SMYD3: variants seen among roughly 807,000 people sequenced by gnomAD.
SMYD3 encodes histone-lysine N-methyltransferase SMYD3.
Under a neutral mutation model 57.7 loss-of-function variants are expected in SMYD3, and 36 were observed. That is an observed-to-expected ratio of 0.62 (90% confidence interval 0.48 to 0.82). SMYD3 has a LOEUF of 0.82. Ranked by LOEUF, SMYD3 falls within the 40% of genes least tolerant of loss-of-function variation. The pLI is 0.00. For synonymous variants in SMYD3, 211 were observed against 195.0 expected (o/e 1.08, Z -0.68); for missense variants, 515 against 538.8 (o/e 0.96, Z 0.44).
intron 8 of SMYD3, among the ~76,000 whole-genome samples, chr1:245,896,400 A>AAAAC (rs1176760587): frequency 2.0e-5 from 3 of 150,258 alleles, no homozygotes; most frequent in Admixed American, 6.6e-5. Context: ...AAAAAAAAAA[A>AAAAC]AAAAAACAGG....
At chr1:246,293,912 A>G (rs7516664) in intron 5 of SMYD3, among the ~76,000 whole-genome samples, 29,438 of 152,146 alleles carry the variant, frequency 0.19, 3,450 homozygotes, top group Non-Finnish European at 0.26. Context: ...ATTGAACTCA[A>G]TGAACCTTTT....
intron 1 of SMYD3, among the ~76,000 whole-genome samples, chr1:246,474,678 A>T (rs1265567512): frequency 5.3e-5 from 8 of 152,126 alleles, no homozygotes; most frequent in Non-Finnish European, 7.4e-5. Context: ...ATAAAATAGG[A>T]CTCTAACAAT....
chr1:246,069,337 A>T (rs557934351), intron 5 of SMYD3, among the ~76,000 whole-genome samples: 1 of 152,366 alleles, frequency 6.6e-6, no homozygotes, highest in East Asian at 1.9e-4. Flanking sequence ...TTCGTGCCAG[A>T]TATCTTAAAC....
At chr1:246,334,122 G>A (rs147571882) in intron 3 of SMYD3, among the ~76,000 whole-genome samples, 1 of 152,224 alleles carries the variant, frequency 6.6e-6, no homozygotes, top group East Asian at 1.9e-4. Context: ...TACTGTTAGT[G>A]GGAATGTAAT....
At chr1:246,003,617 A>G (rs1345761822) in intron 5 of SMYD3, among the ~76,000 whole-genome samples, 3 of 152,170 alleles carry the variant, frequency 2.0e-5, no homozygotes, top group Non-Finnish European at 4.4e-5. Context: ...TAAGAAATAC[A>G]TTGCCTTTAG....
chr1:246,372,138 G>A (rs1311151050), intron 1 of SMYD3, among the ~76,000 whole-genome samples: 1 of 152,210 alleles, frequency 6.6e-6, no homozygotes, highest in Non-Finnish European at 1.5e-5. Flanking sequence ...ACAGCTGCAA[G>A]TGCACTATAA....
At chr1:246,444,291 A>C (rs1217616352) in intron 1 of SMYD3, among the ~76,000 whole-genome samples, 1 of 151,972 alleles carries the variant, frequency 6.6e-6, no homozygotes, top group Non-Finnish European at 1.5e-5. Context: ...ACGCCTGGCT[A>C]ATTTTTGTAT....
intron 1 of SMYD3, among the ~76,000 whole-genome samples, chr1:246,490,926 G>C (rs1558488943): frequency 1.3e-5 from 2 of 152,084 alleles, no homozygotes; most frequent in South Asian, 2.1e-4. Flanking sequence ...AGTAGAGCAA[G>C]GAAAGAACAC....
intron 8 of SMYD3, among the ~76,000 whole-genome samples, chr1:245,901,385 A>G (rs949487868): frequency 6.6e-6 from 1 of 152,182 alleles, no homozygotes; most frequent in Admixed American, 6.5e-5. Flanking sequence ...TCTTTAGACA[A>G]TCTGATTATG....
chr1:245,899,106 A>G lies in SMYD3; in HGVS notation c.813+16424T>C, dbSNP rs1220434347. 4.6e-5 allele frequency among the ~76,000 whole-genome samples: 7 copies of G among 152,244 alleles called. No individual in the cohort carries two copies. In the South Asian group the frequency reaches 8.3e-4, roughly 18 times the overall value. ...ATAATAAATATTGCTTGATGCAGAA[A>G]ACTGGTGAGATGAATTTTCTAGGTT... On this transcript the variant is annotated intron_variant, in intron 8 of 11. Transcript: ENST00000490107.
intron 10 of SMYD3, among the ~76,000 whole-genome samples, chr1:245,849,020 C>G (rs1248539820): frequency 1.3e-5 from 2 of 152,128 alleles, no homozygotes; most frequent in African/African-American, 2.4e-5. Flanking sequence ...CTTTTAGGAC[C>G]ACGAGCATCT....
intron 5 of SMYD3, among the ~76,000 whole-genome samples, chr1:246,218,501 G>A (rs1300291920): frequency 6.6e-6 from 1 of 152,032 alleles, no homozygotes. Flanking sequence ...GGCGGCTGTA[G>A]TCCCAGCTAC....
chr1:245,761,538 C>T (rs1238895973), intron 11 of SMYD3, among the ~76,000 whole-genome samples: 1 of 152,158 alleles, frequency 6.6e-6, no homozygotes, highest in East Asian at 1.9e-4. Flanking sequence ...TATGCAATAG[C>T]AATGACTAAA....
At chr1:246,010,150 A>C (rs915563075) in intron 5 of SMYD3, among the ~76,000 whole-genome samples, 4 of 151,252 alleles carry the variant, frequency 2.6e-5, no homozygotes, top group African/African-American at 9.7e-5. Flanking sequence ...ATTTTAAAAC[A>C]TAACAGTAGA....
intron 1 of SMYD3, among the ~76,000 whole-genome samples, chr1:246,467,394 A>G (rs1039494602): frequency 1.3e-5 from 2 of 152,136 alleles, no homozygotes; most frequent in Non-Finnish European, 2.9e-5. Context: ...GGCTAGAAAA[A>G]CAATACAAAA....
chr1:246,438,348 T>C (rs1461885984), intron 1 of SMYD3, among the ~76,000 whole-genome samples: 1 of 152,170 alleles, frequency 6.6e-6, no homozygotes, highest in Non-Finnish European at 1.5e-5. Context: ...AGATTTCTAA[T>C]ATAAAACACA....
intron 1 of SMYD3, among the ~76,000 whole-genome samples, chr1:246,360,421 C>T (rs2065970051): frequency 6.6e-6 from 1 of 151,954 alleles, no homozygotes; most frequent in East Asian, 1.9e-4. Context: ...ATCTAAACAC[C>T]ACTATCATTC....
intron 8 of SMYD3, among the ~76,000 whole-genome samples, chr1:245,875,057 C>T (rs929822207): frequency 9.8e-5 from 15 of 152,368 alleles, no homozygotes; most frequent in South Asian, 2.1e-4. Flanking sequence ...TGCTGGCTGA[C>T]GGCACGGCGA....
intron 11 of SMYD3, among the ~76,000 whole-genome samples, chr1:245,757,369 A>G (rs922229320): frequency 6.6e-6 from 1 of 151,908 alleles, no homozygotes; most frequent in African/African-American, 2.4e-5. Context: ...ATCCCATTCT[A>G]TGGGTTGCTT....
Sources: gnomAD v4.1 joint callset for allele counts (sites outside exome capture counted in the v4.1 genomes callset) on GRCh38, gnomAD v4.1.1 for gene constraint, MANE v1.5 for transcripts, NCBI Gene and HGNC (gene_info 2026-07-23, HGNC 2026-07-21) for gene names.